The following RPS6KC1 variants were observed in gnomAD, a reference collection of about 807,000 sequenced individuals.
RPS6KC1 encodes the protein inactive ribosomal protein S6 kinase delta-1.
RPS6KC1 carries 54 observed loss-of-function variants against 103.8 expected under a neutral mutation model. The ratio of observed to expected loss-of-function variants is 0.52; its 90% CI spans 0.42 to 0.65. RPS6KC1 has a LOEUF of 0.65. RPS6KC1 is among the 30% of genes least tolerant of loss of function. The probability of loss-of-function intolerance (pLI) is 0.00; values close to 1 mark genes in which losing one functional copy is unlikely to be tolerated. For missense variants in RPS6KC1, 1,151 were observed against 1,253.8 expected (o/e 0.92, Z 1.24); for synonymous variants, 439 against 438.7 (o/e 1.00, Z -0.01).
chr1:213,053,581 C>T (rs1035122968), intron 1 of RPS6KC1, among the ~76,000 whole-genome samples: 6 of 152,138 alleles, frequency 3.9e-5, no homozygotes, highest in African/African-American at 1.4e-4. Context: ...CAGGAAGTTC[C>T]AGCAGACACT....
chr1:213,075,473 G>T (rs971124308), intron 2 of RPS6KC1, among the ~76,000 whole-genome samples: 7 of 152,110 alleles, frequency 4.6e-5, no homozygotes, highest in Admixed American at 4.6e-4. Context: ...ATCTGCTACT[G>T]ATCTTTTAAT....
chr1:213,740,488 T>A, the RPS6KC1 span, among the ~76,000 whole-genome samples: 1 of 152,108 alleles, frequency 6.6e-6, no homozygotes, highest in Non-Finnish European at 1.5e-5. Context: ...CACTGTTTGT[T>A]TGTTAATATC....
the RPS6KC1 span, among the ~76,000 whole-genome samples, chr1:213,497,746 G>A: frequency 0.031 from 4,764 of 152,108 alleles, 181 homozygotes; most frequent in East Asian, 0.12. Context: ...TTCTGTAATA[G>A]TAAAAAGTAG....
At chr1:213,714,884 C>A in the RPS6KC1 span, among the ~76,000 whole-genome samples, 1 of 152,208 alleles carries the variant, frequency 6.6e-6, no homozygotes, top group East Asian at 1.9e-4. Flanking sequence ...ACAATTAGGG[C>A]TAACTGCAGC....
Position 213,271,303 on chromosome 1 carries a change from T to C in RPS6KC1, c.3091-1221T>C, listed in dbSNP as rs139952088. Among the ~76,000 whole-genome samples, 1,049 of 152,148 alleles carry C rather than the reference T, an allele frequency of 6.9e-3. 53 individuals are homozygous for C. The highest frequency in any genetic ancestry group is 0.061 in the Admixed American group (939 of 15,276). On this transcript the variant is annotated intron_variant, in intron 14 of 14. Transcript: ENST00000366960. The stretch of plus-strand genomic sequence containing the variant: ...TGAATCTCAGAAACATAATGATAAG[T>C]GAAAGAAGGCAGCGTCAAAAGACTA...
the RPS6KC1 span, among the ~76,000 whole-genome samples, chr1:213,844,481 TATTTA>T: frequency 3.3e-5 from 5 of 152,222 alleles, no homozygotes; most frequent in Admixed American, 3.3e-4. Flanking sequence ...TTATTATGCA[TATTTA>T]ATTTAAGAAT....
At chr1:213,265,091 A>T (rs1573707079) in intron 14 of RPS6KC1, among the ~76,000 whole-genome samples, 2 of 152,314 alleles carry the variant, frequency 1.3e-5, no homozygotes, top group Admixed American at 1.3e-4. Context: ...CTCATTGCTC[A>T]GCTCTGTTGC....
the RPS6KC1 span, among the ~76,000 whole-genome samples, chr1:213,425,412 A>G: frequency 2.0e-5 from 3 of 151,530 alleles, no homozygotes; most frequent in African/African-American, 7.3e-5. Flanking sequence ...CCTCCATTAG[A>G]AAAAAAAAGA....
Position 213,229,947 on chromosome 1 carries a change from G to C in RPS6KC1, c.1045-550G>C, listed in dbSNP as rs141279195. ...TTGCTTGAATCAGAGTAATAACTGT[G>C]GAAGTGGTAAGGTGAGTTCAGATTC... On this transcript the variant is annotated intron_variant, in intron 8 of 14. Coordinates refer to ENST00000366960, the MANE Select transcript of RPS6KC1 (RefSeq NM_012424.6). 1.7e-3 allele frequency among the ~76,000 whole-genome samples: 259 copies of C among 152,282 alleles called. 4 individuals carry two copies. The highest frequency in any genetic ancestry group is 0.012 in the Admixed American group (190 of 15,296).
At chr1:213,424,504 T>A in the RPS6KC1 span, among the ~76,000 whole-genome samples, 1 of 152,250 alleles carries the variant, frequency 6.6e-6, no homozygotes, top group Non-Finnish European at 1.5e-5. Context: ...CATATGGTGC[T>A]GCTCAGGATG....
the RPS6KC1 span, among the ~76,000 whole-genome samples, chr1:213,360,719 T>C: frequency 0.43 from 64,719 of 152,118 alleles, 16,442 homozygotes; most frequent in African/African-American, 0.7. Context: ...ATGATGGTGA[T>C]GTGCAGATGG....
chr1:213,691,531 G>A, the RPS6KC1 span, among the ~76,000 whole-genome samples: 1 of 152,014 alleles, frequency 6.6e-6, no homozygotes, highest in Non-Finnish European at 1.5e-5. Flanking sequence ...CTGCTATCTC[G>A]GTAGCCAGTT....
At chr1:213,587,848 A>G in the RPS6KC1 span, among the ~76,000 whole-genome samples, 1 of 152,208 alleles carries the variant, frequency 6.6e-6, no homozygotes, top group Non-Finnish European at 1.5e-5. Context: ...AACTCAGCCA[A>G]ATTGGAGGGT....
the RPS6KC1 span, among the ~76,000 whole-genome samples, chr1:213,449,819 C>T: frequency 1.3e-5 from 2 of 152,210 alleles, no homozygotes; most frequent in African/African-American, 4.8e-5. Flanking sequence ...CCCGTGGTGA[C>T]GTTGCTGGCT....
At chr1:213,676,423 G>T in the RPS6KC1 span, among the ~76,000 whole-genome samples, 1 of 152,200 alleles carries the variant, frequency 6.6e-6, no homozygotes, top group East Asian at 1.9e-4. Context: ...TTTGTCTGAG[G>T]AATGGAGAAA....
chr1:213,409,711 A>G, the RPS6KC1 span, among the ~76,000 whole-genome samples: 1 of 152,206 alleles, frequency 6.6e-6, no homozygotes, highest in Admixed American at 6.5e-5. Flanking sequence ...AATGGCTCCA[A>G]TGTGTTTAGT....
At chr1:213,101,139 G>A (rs568632145) in intron 3 of RPS6KC1, among the ~76,000 whole-genome samples, 268 of 152,242 alleles carry the variant, frequency 1.8e-3, no homozygotes, top group African/African-American at 6.0e-3. Flanking sequence ...GCATGAGGTG[G>A]TGTCTCATTA....
the RPS6KC1 span, among the ~76,000 whole-genome samples, chr1:213,384,984 C>T: frequency 6.6e-6 from 1 of 152,100 alleles, no homozygotes. Context: ...GCCTGGGGGG[C>T]TGAATAATGG....
chr1:213,099,532 A>T lies in RPS6KC1; in HGVS notation c.263-4922A>T, dbSNP rs184154607. 2.2e-3 allele frequency among the ~76,000 whole-genome samples: 341 copies of T among 152,322 alleles called. 8 individuals carry two copies. The highest frequency in any genetic ancestry group is 3.5e-4 in the Non-Finnish European group (24 of 68,024). On this transcript the variant is annotated intron_variant, in intron 3 of 14. Coordinates refer to ENST00000366960, the MANE Select transcript of RPS6KC1 (RefSeq NM_012424.6). Reference sequence around the variant, plus strand: ...ATTTTGTTTAGATAAGTTTACACACAGTTAAATGCACAAATCTTAAGTATC... The same window carrying T: ...ATTTTGTTTAGATAAGTTTACACACTGTTAAATGCACAAATCTTAAGTATC...
Sources: allele counts gnomAD v4.1 joint callset (sites outside exome capture counted in the v4.1 genomes callset), GRCh38; gene constraint gnomAD v4.1.1; transcripts MANE v1.5; gene names NCBI Gene and HGNC (gene_info 2026-07-23, HGNC 2026-07-21).